The following KIF3A variants were observed in gnomAD, a reference collection of about 807,000 sequenced individuals.
KIF3A encodes the protein kinesin-like protein KIF3A.
A neutral mutation model predicts 92.6 loss-of-function variants in KIF3A; 27 were observed. The ratio of observed to expected loss-of-function variants is 0.29; its 90% CI spans 0.21 to 0.40. The LOEUF (loss-of-function observed/expected upper bound fraction) is 0.40, where lower values mean the gene tolerates loss of function less well. KIF3A is among the 10% of genes least tolerant of loss of function. KIF3A has a pLI of 1.00. For synonymous variants in KIF3A, 250 were observed against 275.4 expected (o/e 0.91, Z 0.92); for missense variants, 581 against 872.6 (o/e 0.67, Z 4.21).
At chr5:132,724,170 G>A (rs1753923203) in intron 4 of KIF3A, among the ~76,000 whole-genome samples, 1 of 152,194 alleles carries the variant, frequency 6.6e-6, no homozygotes, top group Admixed American at 6.5e-5. Context: ...AGGATGTGGA[G>A]AAACAGGAAC....
At chr5:132,697,192 T>C (rs1361904746) in intron 18 of KIF3A, among the ~76,000 whole-genome samples, 1 of 152,180 alleles carries the variant, frequency 6.6e-6, no homozygotes, top group Non-Finnish European at 1.5e-5. Context: ...ACATTGAACA[T>C]ATCATATAAT....
chr5:132,726,549 A>G (rs746776016), intron 2 of KIF3A, 51 bp from the exon 3 acceptor site: 60 of 1,477,750 alleles, frequency 4.1e-5, no homozygotes, highest in Middle Eastern at 3.5e-4. Flanking sequence ...ATGCTACAGA[A>G]CAATAGCTCT....
At chr5:132,692,081 T>C (rs1052495827), downstream of KIF3A, among the ~76,000 whole-genome samples, 7 of 152,162 alleles carry the variant, frequency 4.6e-5, no homozygotes, top group African/African-American at 1.4e-4. Context: ...TGGAATATTA[T>C]GCAGCCATAA....
At chr5:132,703,120 A>G in intron 12 of KIF3A, 55 bp from the exon 13 acceptor site, 1 of 1,440,372 alleles carries the variant, frequency 6.9e-7, no homozygotes. Flanking sequence ...TATTCTACTA[A>G]TATCATTTCC....
At chr5:132,717,141 C>T (rs1561702851) in intron 5 of KIF3A, among the ~76,000 whole-genome samples, 157 bp from the exon 6 acceptor site, 1 of 152,178 alleles carries the variant, frequency 6.6e-6, no homozygotes, top group Non-Finnish European at 1.5e-5. Flanking sequence ...TTAGCCACTA[C>T]ATGAAATTTC....
chr5:132,731,626 C>G (rs1754233633), intron 2 of KIF3A, among the ~76,000 whole-genome samples: 1 of 152,152 alleles, frequency 6.6e-6, no homozygotes, highest in Non-Finnish European at 1.5e-5. Flanking sequence ...ACTGGAGGTT[C>G]TAGCCTCCAG....
At chr5:132,716,729 A>C in intron 6 of KIF3A, 116 bp downstream of exon 6, 1 of 1,134,544 alleles carries the variant, frequency 8.8e-7, no homozygotes, top group African/African-American at 1.6e-5. Flanking sequence ...AACATACACA[A>C]GTAACACCTT....
intron 8 of KIF3A, 45 bp from the exon 9 acceptor site, chr5:132,711,102 C>T (rs374653151): frequency 2.6e-4 from 413 of 1,563,612 alleles, no homozygotes; most frequent in Non-Finnish European, 3.4e-4. Flanking sequence ...TGTACGAAGT[C>T]ATTAGCTATT....
rs145922811 is a variant in KIF3A at position 132,716,338 on chromosome 5, C to T, written c.861G>A (p.Leu287=). The change falls in exon 7 of 19, where the codon TTG becomes TTA. Residue 287 remains leucine, a synonymous_variant. Transcript: ENST00000403231. ...GCACATGAGTGCTTTTTCCATCAAC[C>T]AAGGCAGAAATTACATTACCAAGGG... ...LSTLGNVISA[L]VDGKSTHVPY... 16 of 1,613,728 alleles carry T rather than the reference C, an allele frequency of 9.9e-6. No homozygotes were observed. Among genetic ancestry groups the T allele is most frequent in the Non-Finnish European group, 1.3e-5 (15 of 1,179,850 alleles).
At chr5:132,723,775 C>T (rs1297551274) in intron 4 of KIF3A, 1 of 152,164 alleles carries the variant, frequency 6.6e-6, no homozygotes, top group Non-Finnish European at 1.5e-5. Flanking sequence ...AAAGCAATGG[C>T]AACAAAAGCC....
intron 8 of KIF3A, among the ~76,000 whole-genome samples, chr5:132,714,576 T>G (rs1359011493): frequency 1.3e-5 from 2 of 152,120 alleles, no homozygotes; most frequent in Non-Finnish European, 2.9e-5. Flanking sequence ...ATAGTCAAAT[T>G]CATAGAGACC....
intron 9 of KIF3A, among the ~76,000 whole-genome samples, chr5:132,710,489 G>C (rs1314476707): frequency 6.6e-6 from 1 of 152,132 alleles, no homozygotes; most frequent in Non-Finnish European, 1.5e-5. Flanking sequence ...GGTGGCATTT[G>C]CCTATAGTCC....
chr5:132,723,013 A>G (rs911200208), intron 4 of KIF3A: 6 of 152,182 alleles, frequency 3.9e-5, no homozygotes, highest in Non-Finnish European at 7.3e-5. Context: ...TTTAAAAAGT[A>G]TGTGTATAGG....
At chr5:132,723,447 C>CA in intron 4 of KIF3A, 1 of 152,312 alleles carries the variant, frequency 6.6e-6, no homozygotes, top group Non-Finnish European at 1.5e-5. Context: ...GGTACCAAAA[C>CA]AGAGATATAG....
chr5:132,695,346 A>G lies in KIF3A; in HGVS notation c.*1288T>C, dbSNP rs923358306. On this transcript the variant is annotated 3_prime_UTR_variant, in exon 19 of 19. Coordinates refer to ENST00000403231, the MANE Select transcript of KIF3A (RefSeq NM_001300791.2). ...GCCACCACACCCAGCTAATTATTGT[A>G]TTTGTACTGGAGACAGGGTTTCACC... 1.6e-4 allele frequency: 24 copies of G among 152,138 alleles called. No homozygotes were observed. Among genetic ancestry groups the G allele is most frequent in the African/African-American group, 5.3e-4 (22 of 41,494 alleles). 9.4% of individuals were successfully genotyped at this position (152,138 alleles called of 1,614,324 possible).
At chr5:132,720,798 A>T in intron 4 of KIF3A, 84 bp from the exon 5 acceptor site, 1 of 737,096 alleles carries the variant, frequency 1.4e-6, no homozygotes, top group South Asian at 1.9e-5. Flanking sequence ...TGGACACTCT[A>T]CTAGACAGAG....
At chr5:132,720,839 T>C in intron 4 of KIF3A, 125 bp from the exon 5 acceptor site, 1 of 555,260 alleles carries the variant, frequency 1.8e-6, no homozygotes, top group South Asian at 2.9e-5. Flanking sequence ...ACACTGTTCC[T>C]ACACGCATGG....
chr5:132,690,625 A>T (rs1752639326), downstream of KIF3A, among the ~76,000 whole-genome samples: 1 of 152,196 alleles, frequency 6.6e-6, no homozygotes, highest in Non-Finnish European at 1.5e-5. Context: ...ATTATGTGTC[A>T]ATTAAAAAAT....
Position 132,726,485 on chromosome 5 carries a change from T to C in KIF3A, c.294A>G (p.Ala98=), listed in dbSNP as rs767788092. 43 of 1,613,274 alleles carry C rather than the reference T, an allele frequency of 2.7e-5. No individual in the cohort carries two copies. The South Asian group carries it at 4.6e-4, about 17-fold the overall frequency. The part of the protein sequence containing the change: ...VLEGYNGTIF[A]YGQTGTGKTF... Reference sequence around the variant, plus strand: ...TTTTGCCTGTTCCGGTTTGTCCATATGCAAAAATAGTCCCTGAAAATGATG... The same window carrying C: ...TTTTGCCTGTTCCGGTTTGTCCATACGCAAAAATAGTCCCTGAAAATGATG... Residue 98 remains alanine (A), a synonymous_variant, in exon 3 of 19, where the codon GCA becomes GCG. Coordinates refer to ENST00000403231, the MANE Select transcript of KIF3A (RefSeq NM_001300791.2).
Sources: allele counts gnomAD v4.1 joint callset (sites outside exome capture counted in the v4.1 genomes callset), GRCh38; gene constraint gnomAD v4.1.1; transcripts MANE v1.5; gene names NCBI Gene and HGNC (gene_info 2026-07-23, HGNC 2026-07-21).